Variants in SSU72 observed in about 807,000 individuals in gnomAD.
The protein encoded by SSU72 is SSU72 homolog, RNA polymerase II CTD phosphatase.
In SSU72, 12 loss-of-function variants were observed where a neutral mutation model predicts 22.7. The ratio of observed to expected loss-of-function variants is 0.53; its 90% CI spans 0.34 to 0.86. The LOEUF (loss-of-function observed/expected upper bound fraction) is 0.86. Among genes scored for constraint, SSU72 ranks in the 40% least tolerant of loss-of-function variants. The pLI is 0.02. For missense variants in SSU72, 151 were observed against 249.8 expected (o/e 0.60, Z 2.67); for synonymous variants, 116 against 98.3 (o/e 1.18, Z -1.06).
chr1:1,564,760 C>G lies in SSU72; in HGVS notation c.224+13G>C. 2 of 1,614,184 alleles carry G rather than the reference C, an allele frequency of 1.2e-6. No homozygotes were observed. Among genetic ancestry groups the G allele is most frequent in the Non-Finnish European group, 1.7e-6 (2 of 1,180,022 alleles). ...CACACGGGGGGTTTTTAAAGGGCAA[C>G]CCGCTGGGATACAGTTCTTTGTCTT... On this transcript the variant is annotated intron_variant, in intron 2 of 4. Transcript: ENST00000291386.
chr1:1,573,993 G>A (rs1642772177), intron 1 of SSU72, among the ~76,000 whole-genome samples: 1 of 150,804 alleles, frequency 6.6e-6, no homozygotes, highest in Admixed American at 6.6e-5. Context: ...GGTTGGAGGC[G>A]TTCCAGGGAG....
rs1642500416 is a variant in SSU72, at chr1:1,554,801, T to C, written c.225-9799A>G. On this transcript the variant is annotated intron_variant, in intron 2 of 4. Transcript: ENST00000291386. The surrounding 1 kb of genome is among the most constrained non-coding windows in gnomAD (Gnocchi z 4.1). ...ACTGGAGCCACGAAAGCAACAGCCCTGGGCAGCCCAGCACCATCCTGGGTT... is the reference window on the plus strand; with the variant it reads ...ACTGGAGCCACGAAAGCAACAGCCCCGGGCAGCCCAGCACCATCCTGGGTT... Among the ~76,000 whole-genome samples, 1 of 152,154 alleles carries C rather than the reference T, an allele frequency of 6.6e-6. No homozygotes were observed. The highest frequency in any genetic ancestry group is 1.5e-5 in the Non-Finnish European group (1 of 68,018).
chr1:1,571,765 C>A (rs1467405287), intron 1 of SSU72, among the ~76,000 whole-genome samples: 1 of 150,248 alleles, frequency 6.7e-6, no homozygotes, highest in African/African-American at 2.5e-5. Context: ...AGCCGCTAAA[C>A]CTGATTTTAT....
At chr1:1,572,165 C>T (rs893290805) in intron 1 of SSU72, among the ~76,000 whole-genome samples, 1 of 149,538 alleles carries the variant, frequency 6.7e-6, no homozygotes, top group Non-Finnish European at 1.5e-5. Context: ...CAGTAGCTCA[C>T]GCCTATAATC....
intron 1 of SSU72, among the ~76,000 whole-genome samples, chr1:1,569,330 G>A (rs1182731153): frequency 6.6e-6 from 1 of 152,138 alleles, no homozygotes; most frequent in Non-Finnish European, 1.5e-5. Flanking sequence ...TTCTGGCGCT[G>A]CCCTGAAACA....
At chr1:1,561,177 C>T (rs1037192724) in intron 2 of SSU72, 1 of 152,282 alleles carries the variant, frequency 6.6e-6, no homozygotes, top group Admixed American at 6.5e-5. Flanking sequence ...CTCTGCCTCC[C>T]AGGTTCAAGC....
chr1:1,561,443 T>C (rs1642591540), intron 2 of SSU72: 1 of 152,128 alleles, frequency 6.6e-6, no homozygotes, highest in Middle Eastern at 3.2e-3. Flanking sequence ...TTGGGCCGCA[T>C]CTTGAACCCC....
intron 1 of SSU72, among the ~76,000 whole-genome samples, chr1:1,569,835 CAGCT>C (rs78104724): frequency 0.051 from 7,748 of 152,240 alleles, 519 homozygotes; most frequent in East Asian, 0.27. Flanking sequence ...GTTCACTGAT[CAGCT>C]AGCTACTGTG....
intron 1 of SSU72, among the ~76,000 whole-genome samples, chr1:1,574,067 C>T (rs1187366003): frequency 6.6e-6 from 1 of 151,460 alleles, no homozygotes; most frequent in African/African-American, 2.4e-5. Context: ...AAATCCATGG[C>T]ATTAAAAAAA....
At chr1:1,549,424 G>A (rs1642429243) in intron 2 of SSU72, among the ~76,000 whole-genome samples, 1 of 152,086 alleles carries the variant, frequency 6.6e-6, no homozygotes, top group Non-Finnish European at 1.5e-5. Context: ...AGGAGGCTGA[G>A]GCGGGAGAAT....
chr1:1,552,202 G>A (rs957337557), intron 2 of SSU72, among the ~76,000 whole-genome samples: 6 of 152,168 alleles, frequency 3.9e-5, no homozygotes, highest in Admixed American at 1.3e-4. Context: ...CTTGCTCAAC[G>A]GCACCTGCAC....
chr1:1,570,370 A>T (rs566442897), intron 1 of SSU72, among the ~76,000 whole-genome samples: 2 of 152,108 alleles, frequency 1.3e-5, no homozygotes, highest in East Asian at 3.9e-4. Flanking sequence ...GAGACATGGA[A>T]GAACACCCTG....
rs1012545344 is a variant in SSU72, at chr1:1,574,426, G to A, written c.80+52C>T. 8.0e-5 allele frequency: 123 copies of A among 1,540,472 alleles called. No homozygotes were observed. In the African/African-American group the frequency reaches 1.1e-3, roughly 14 times the overall value. ...GGGCCAGGGGGAACCGGGGAGGAGG[G>A]AGGGCCGGTCGCCGGAGCAGAGCGC... On this transcript the variant is annotated intron_variant, in intron 1 of 4. Transcript: ENST00000291386.
intron 2 of SSU72, chr1:1,560,915 GTGTGC>G (rs1642582449): frequency 6.6e-6 from 1 of 152,262 alleles, no homozygotes; most frequent in Non-Finnish European, 1.5e-5. Context: ...CGGGCTCAGT[GTGTGC>G]ATGTCCTAAT....
At chr1:1,566,545 A>G (rs1642663944) in intron 1 of SSU72, among the ~76,000 whole-genome samples, 2 of 152,098 alleles carry the variant, frequency 1.3e-5, no homozygotes, top group South Asian at 2.1e-4. Flanking sequence ...GAGGAGTTCC[A>G]TATTATTTTA....
Position 1,574,629 on chromosome 1 carries a change from A to G in SSU72, c.-72T>C. 1 of 1,452,880 alleles carries G rather than the reference A, an allele frequency of 6.9e-7. No homozygotes were observed. Among genetic ancestry groups the G allele is most frequent in the Non-Finnish European group, 9.2e-7 (1 of 1,084,944 alleles). 90.0% of individuals were successfully genotyped at this position (1,452,880 alleles called of 1,614,324 possible). On this transcript the variant is annotated 5_prime_UTR_variant, in exon 1 of 5. Transcript: ENST00000291386. ...TACCGCGGCGCTTCCGCGCGAACAA[A>G]ATGGCGGCCGCGGTGGCCGGAAGCG...
At chr1:1,551,826 G>C (rs1216179364) in intron 2 of SSU72, among the ~76,000 whole-genome samples, 1 of 152,240 alleles carries the variant, frequency 6.6e-6, no homozygotes, top group Non-Finnish European at 1.5e-5. Context: ...CCCGAGGCCT[G>C]TGCTCACCCC....
At position 1,574,647 on chromosome 1, in the gene SSU72, C is replaced by T. The variant is rs1285179547; in HGVS notation, c.-90G>A. 3.1e-6 allele frequency: 4 copies of T among 1,273,020 alleles called. No homozygotes were observed. Among genetic ancestry groups the T allele is most frequent in the South Asian group, 3.0e-5 (2 of 66,804 alleles). The allele number at this position is 1,273,020 out of a possible 1,614,324, so 78.9% of individuals were successfully genotyped here. ...CGAACAAAATGGCGGCCGCGGTGGC[C>T]GGAAGCGGGCGACGCGAAACGACGG... On this transcript the variant is annotated 5_prime_UTR_variant, in exon 1 of 5. Coordinates refer to ENST00000291386, the MANE Select transcript of SSU72 (RefSeq NM_014188.3).
At chr1:1,547,494 A>G (rs1642403934) in intron 2 of SSU72, among the ~76,000 whole-genome samples, 1 of 152,224 alleles carries the variant, frequency 6.6e-6, no homozygotes, top group East Asian at 1.9e-4. Flanking sequence ...ATGCGAGGTG[A>G]GGCCCCGCCC....
Sources: allele counts gnomAD v4.1 joint callset (sites outside exome capture counted in the v4.1 genomes callset), GRCh38; gene constraint gnomAD v4.1.1; non-coding constraint Gnocchi (gnomAD v3.1); transcripts MANE v1.5; gene names NCBI Gene and HGNC (gene_info 2026-07-23, HGNC 2026-07-21).